NNT: variants seen among roughly 807,000 people sequenced by gnomAD.
NNT encodes nicotinamide nucleotide transhydrogenase, also known as NAD(P) transhydrogenase, mitochondrial.
A neutral mutation model predicts 104.8 loss-of-function variants in NNT; 50 were observed. The ratio of observed to expected loss-of-function variants is 0.48; its 90% CI spans 0.38 to 0.60. The LOEUF is 0.60. NNT is among the 20% of genes least tolerant of loss of function. NNT has a pLI of 0.00. For missense variants in NNT, 1,131 were observed against 1,330.7 expected, an observed-to-expected ratio of 0.85 and a Z score of 2.33; for synonymous variants, 461 against 490.4, an observed-to-expected ratio of 0.94 and a Z score of 0.79.
chr5:43,603,459 A>C (rs1350284860), intron 1 of NNT, among the ~76,000 whole-genome samples, 165 bp downstream of exon 1: 1 of 151,794 alleles, frequency 6.6e-6, no homozygotes, highest in Admixed American at 6.6e-5. Flanking sequence ...CGCAGGGTGC[A>C]TTGGGGTGTC....
intron 19 of NNT, among the ~76,000 whole-genome samples, chr5:43,678,061 G>A (rs1741513997): frequency 1.3e-5 from 2 of 152,148 alleles, no homozygotes; most frequent in African/African-American, 4.8e-5. Flanking sequence ...TTAAATAGTA[G>A]AGAAAGGAAA....
rs550611520 is a variant in NNT, at chr5:43,669,450, G to A, written c.2635-6061G>A. ...GATAGCTCTGATTATTTGGAGATAC[G>A]TCCCATCAATACCTAATTTATTGAG... On this transcript the variant is annotated intron_variant, in intron 17 of 21. Coordinates refer to ENST00000344920, the MANE Select transcript of NNT (RefSeq NM_182977.3). Among the ~76,000 whole-genome samples, 118 of 152,218 alleles carry A rather than the reference G, an allele frequency of 7.8e-4. 2 individuals carry two copies. In the South Asian group the frequency reaches 0.017, roughly 22 times the overall value.
At chr5:43,695,657 A>G (rs1038031575) in intron 19 of NNT, among the ~76,000 whole-genome samples, 4 of 152,188 alleles carry the variant, frequency 2.6e-5, no homozygotes, top group African/African-American at 9.7e-5. Flanking sequence ...TCCAAGGTGT[A>G]TTAGTCCATT....
chr5:43,672,559 G>C (rs62368568), intron 17 of NNT, among the ~76,000 whole-genome samples: 5,151 of 149,246 alleles, frequency 0.035, 135 homozygotes, highest in East Asian at 0.13. Context: ...ACTCCAGACC[G>C]TGTTTGCCTG....
intron 19 of NNT, among the ~76,000 whole-genome samples, chr5:43,689,591 A>C (rs1464097814): frequency 1.3e-5 from 2 of 152,200 alleles, no homozygotes; most frequent in Non-Finnish European, 2.9e-5. Context: ...ATGAGGATTC[A>C]GTTTCATTAT....
chr5:43,617,743 G>A (rs1270825344), intron 4 of NNT, among the ~76,000 whole-genome samples: 2 of 152,024 alleles, frequency 1.3e-5, no homozygotes, highest in Admixed American at 1.3e-4. Context: ...GAATCTTTTA[G>A]AGCATTAATT....
chr5:43,668,596 G>T (rs1263701472), intron 17 of NNT, among the ~76,000 whole-genome samples: 1 of 152,136 alleles, frequency 6.6e-6, no homozygotes, highest in Non-Finnish European at 1.5e-5. Flanking sequence ...TTGTAGATGT[G>T]TGGTATTATT....
chr5:43,650,487 A>T lies in NNT; in HGVS notation c.1617A>T (p.Ala539=), dbSNP rs1739698771. 6.2e-7 allele frequency: 1 copy of T among 1,613,594 alleles called. No homozygotes were observed. The highest frequency in any genetic ancestry group is 1.3e-5 in the African/African-American group (1 of 74,866). ...ATGCTTTCTTTCTAGGGCTGACTGC[A>T]GTTGGTGGGTTGGCACTGATGGGAG... ...SVTNAISGLT[A]VGGLALMGGH... is the part of the protein sequence containing the mutation. The change falls in exon 12 of 22, where the codon GCA becomes GCT. Residue 539 remains alanine (A), a synonymous_variant. Coordinates refer to ENST00000344920, the MANE Select transcript of NNT (RefSeq NM_182977.3).
At chr5:43,635,717 C>T (rs1267807084) in intron 7 of NNT, among the ~76,000 whole-genome samples, 1 of 152,120 alleles carries the variant, frequency 6.6e-6, no homozygotes, top group African/African-American at 2.4e-5. Context: ...GGTCTTTCCT[C>T]TGTGTGTGTG....
rs1457932719 is a variant in NNT, at chr5:43,638,663, TG to T, written c.965-5528del. Among the ~76,000 whole-genome samples the T allele has an allele frequency of 4.4e-4, 61 of 139,016 alleles. 1 individual carries two copies. Among genetic ancestry groups the T allele is most frequent in the African/African-American group, 1.5e-3 (59 of 40,162 alleles). The allele number at this position is 139,016 out of a possible 152,430, so 91.2% of individuals were successfully genotyped here. A position where few individuals can be genotyped will look rare whatever the true frequency, so the allele number is the denominator to read the frequency against. ...ATGTTTTTGTTAAAGCAGAAAGTTT[TG>T]TTTTTTTTTTTTTTTAGACCCTCTA... On this transcript the variant is annotated intron_variant, in intron 7 of 21. Transcript: ENST00000344920.
chr5:43,627,410 A>T (rs531492317), intron 6 of NNT, among the ~76,000 whole-genome samples: 7 of 152,216 alleles, frequency 4.6e-5, no homozygotes, highest in East Asian at 3.9e-4. Flanking sequence ...CTTGCTGGAG[A>T]TTATAATTCA....
chr5:43,648,039 A>G, intron 10 of NNT: 1 of 1,189,678 alleles, frequency 8.4e-7, no homozygotes. Context: ...TTCAAACCAG[A>G]CTGACTTAAG....
At chr5:43,650,229 G>GA (rs1739683606) in intron 11 of NNT, among the ~76,000 whole-genome samples, 1 of 152,196 alleles carries the variant, frequency 6.6e-6, no homozygotes, top group South Asian at 2.1e-4. Flanking sequence ...TGCAGAAGGA[G>GA]AAAAAGTTTT....
intron 17 of NNT, among the ~76,000 whole-genome samples, chr5:43,666,464 C>G (rs571775151): frequency 2.0e-5 from 3 of 152,132 alleles, no homozygotes; most frequent in African/African-American, 7.2e-5. Context: ...TGGCAGCGCG[C>G]GCCTGCAATC....
At position 43,644,307 on chromosome 5, in the gene NNT, A is replaced by C. The variant is rs1357638393; in HGVS notation, c.1080A>C (p.Gly360=). The C allele has an allele frequency of 1.2e-6, 2 of 1,613,742 alleles. No individual in the cohort carries two copies. The highest frequency in any genetic ancestry group is 1.7e-6 in the Non-Finnish European group (2 of 1,179,976). ...GAAACTTTGAAACCACTAAGCCAGG[A>C]GAACTCTACATTCATAAGGTATAGC... ...AGGNFETTKP[G]ELYIHKGITH... Residue 360 remains glycine (G), a synonymous_variant, in exon 8 of 22, where the codon GGA becomes GGC. Transcript: ENST00000344920.
intron 7 of NNT, among the ~76,000 whole-genome samples, chr5:43,630,514 T>C (rs1750619156): frequency 6.6e-6 from 1 of 152,254 alleles, no homozygotes; most frequent in South Asian, 2.1e-4. Context: ...GGAATGACCC[T>C]TTGTCAGTTT....
chr5:43,656,093 A>G lies in NNT; in HGVS notation c.2293+20A>G, dbSNP rs1210542461. On this transcript the variant is annotated intron_variant, in intron 15 of 21. Transcript: ENST00000344920. ...TGCAGGGTAAGTGATTCAGCATAAC[A>G]TAGAGGTAAATATCTACTGTTTAGG... 4 of 1,568,788 alleles carry G rather than the reference A, an allele frequency of 2.5e-6. No individual in the cohort carries two copies. The highest frequency in any genetic ancestry group is 4.5e-5 in the East Asian group (2 of 44,616).
intron 17 of NNT, among the ~76,000 whole-genome samples, chr5:43,665,381 G>A (rs915780488): frequency 1.3e-5 from 2 of 151,962 alleles, no homozygotes; most frequent in African/African-American, 2.4e-5. Flanking sequence ...GGGCCCTGCC[G>A]CCTTCCACAG....
intron 19 of NNT, among the ~76,000 whole-genome samples, chr5:43,684,801 G>GT (rs1239890105): frequency 6.6e-6 from 1 of 152,112 alleles, no homozygotes; most frequent in African/African-American, 2.4e-5. Context: ...TGATCAGCAT[G>GT]TGATAAACCA....
Sources: allele counts gnomAD v4.1 joint callset (sites outside exome capture counted in the v4.1 genomes callset), GRCh38; gene constraint gnomAD v4.1.1; transcripts MANE v1.5; gene names NCBI Gene and HGNC (gene_info 2026-07-23, HGNC 2026-07-21).